Variants in SEMA5B observed in about 807,000 individuals in gnomAD.
SEMA5B encodes the protein semaphorin-5B.
In SEMA5B, 66 loss-of-function variants were observed where a neutral mutation model predicts 135.0. That is an observed-to-expected ratio of 0.49 (90% CI 0.40 to 0.60). The LOEUF (loss-of-function observed/expected upper bound fraction) is 0.60. Ranked by LOEUF, SEMA5B falls within the 20% of genes least tolerant of loss-of-function variation. SEMA5B has a pLI of 0.00. For synonymous variants in SEMA5B, 690 were observed against 639.5 expected (o/e 1.08, Z -1.19); for missense variants, 1,501 against 1,566.3 (o/e 0.96, Z 0.70).
intron 1 of SEMA5B, among the ~76,000 whole-genome samples, chr3:122,962,283 A>C (rs1940618792): frequency 6.6e-6 from 1 of 152,216 alleles, no homozygotes; most frequent in Non-Finnish European, 1.5e-5. Flanking sequence ...CTCATCTGTG[A>C]CTGAATTTCT....
chr3:122,937,572 G>A (rs1939352959), intron 5 of SEMA5B, among the ~76,000 whole-genome samples: 1 of 152,180 alleles, frequency 6.6e-6, no homozygotes, highest in East Asian at 1.9e-4. Flanking sequence ...GGGAAAGGTG[G>A]TCAACCAGTT....
chr3:122,968,557 G>T (rs747545417), intron 1 of SEMA5B, among the ~76,000 whole-genome samples: 1 of 152,062 alleles, frequency 6.6e-6, no homozygotes, highest in Admixed American at 6.6e-5. Flanking sequence ...CTACTCCAAC[G>T]CCCGCCCCAA....
intron 5 of SEMA5B, among the ~76,000 whole-genome samples, chr3:122,938,155 AAGGT>A (rs1271428013): frequency 5.9e-5 from 9 of 152,208 alleles, no homozygotes; most frequent in African/African-American, 1.9e-4. Flanking sequence ...TCCTTGCGGC[AAGGT>A]ACTGGGCCTG....
chr3:123,027,955 G>T (rs947147944), upstream of SEMA5B: 6 of 152,186 alleles, frequency 3.9e-5, no homozygotes, highest in Non-Finnish European at 8.8e-5. Flanking sequence ...GCGGCTGCTC[G>T]GCCGACTCCC....
intron 1 of SEMA5B, among the ~76,000 whole-genome samples, chr3:123,013,450 G>A (rs762999651): frequency 3.9e-5 from 6 of 152,184 alleles, no homozygotes; most frequent in Non-Finnish European, 7.3e-5. Flanking sequence ...ATACAGAAAG[G>A]AACTTGTGTC....
intron 1 of SEMA5B, among the ~76,000 whole-genome samples, chr3:123,009,154 G>T (rs1218491477): frequency 2.0e-5 from 3 of 152,176 alleles, no homozygotes; most frequent in African/African-American, 7.2e-5. Context: ...TTCAGCCTGA[G>T]ATGAAAGGGA....
intron 1 of SEMA5B, among the ~76,000 whole-genome samples, chr3:123,000,758 T>C (rs1270084673): frequency 1.3e-5 from 2 of 152,144 alleles, no homozygotes; most frequent in African/African-American, 4.8e-5. Flanking sequence ...CATGGCATTT[T>C]TTGAGGGATG....
At chr3:122,971,776 G>A (rs1466848642) in intron 1 of SEMA5B, among the ~76,000 whole-genome samples, 1 of 152,214 alleles carries the variant, frequency 6.6e-6, no homozygotes, top group Non-Finnish European at 1.5e-5. Flanking sequence ...GCATGGACTT[G>A]GAATGGGAAG....
At chr3:123,007,720 A>C (rs1942346718) in intron 1 of SEMA5B, among the ~76,000 whole-genome samples, 1 of 152,184 alleles carries the variant, frequency 6.6e-6, no homozygotes, top group African/African-American at 2.4e-5. Flanking sequence ...CCCAACAGCA[A>C]AAAGGCCCTC....
At position 122,948,587 on chromosome 3, in the gene SEMA5B, TG is replaced by T. The variant is rs747408852; in HGVS notation, c.246del (p.Ser83AlafsTer107). On this transcript the variant is annotated frameshift_variant, in exon 3 of 23. Coordinates refer to ENST00000357599, the MANE Select transcript of SEMA5B (RefSeq NM_001031702.4). LOFTEE classifies it high-confidence loss of function. ...GGCTCACTGGAGACATCCTGGGAGC[TG>T]GAGAGGTGGGACACCAGCAGTGTGA... ...PSLTLLVSHL[S>X]SSQDVSSEPS... 1 of 1,613,940 alleles carries T rather than the reference TG, an allele frequency of 6.2e-7. No homozygotes were observed. The highest frequency in any genetic ancestry group is 8.5e-7 in the Non-Finnish European group (1 of 1,179,922).
intron 1 of SEMA5B, among the ~76,000 whole-genome samples, chr3:122,969,788 G>A (rs1941033685): frequency 6.6e-6 from 1 of 152,236 alleles, no homozygotes; most frequent in African/African-American, 2.4e-5. Flanking sequence ...GTGGCAGAGA[G>A]CAGCGAGGCA....
intron 1 of SEMA5B, among the ~76,000 whole-genome samples, chr3:122,981,352 C>T (rs375269561): frequency 2.2e-4 from 33 of 152,330 alleles, no homozygotes; most frequent in Admixed American, 1.2e-3. Context: ...GGAGGACTTC[C>T]GTCCCAGGGC....
intron 1 of SEMA5B, among the ~76,000 whole-genome samples, chr3:122,966,787 T>C (rs1458051043): frequency 2.7e-5 from 4 of 150,430 alleles, no homozygotes; most frequent in African/African-American, 7.3e-5. Context: ...TTCGATCTCC[T>C]GACCTCGTGA....
At chr3:123,026,420 GAACTA>G (rs1942800581) in intron 1 of SEMA5B, among the ~76,000 whole-genome samples, 1 of 139,116 alleles carries the variant, frequency 7.2e-6, no homozygotes, top group South Asian at 2.7e-4. Flanking sequence ...CGGGCAGTCG[GAACTA>G]CCCAAAGACT....
At chr3:123,023,608 GC>G (rs1299697925) in intron 1 of SEMA5B, among the ~76,000 whole-genome samples, 1 of 152,160 alleles carries the variant, frequency 6.6e-6, no homozygotes, top group Admixed American at 6.5e-5. Flanking sequence ...CTAGGAAACA[GC>G]TAAGGTGATG....
At chr3:122,923,413 C>T (rs561398753) in intron 10 of SEMA5B, among the ~76,000 whole-genome samples, 1 of 152,310 alleles carries the variant, frequency 6.6e-6, no homozygotes, top group African/African-American at 2.4e-5. Context: ...AGCATGCTTC[C>T]TCGCACTGCC....
chr3:123,011,681 T>C (rs1942441021), intron 1 of SEMA5B, among the ~76,000 whole-genome samples: 2 of 152,074 alleles, frequency 1.3e-5, no homozygotes, highest in African/African-American at 4.8e-5. Flanking sequence ...CACACGCTCC[T>C]AACAGAGGAA....
Position 122,953,263 on chromosome 3 carries a change from C to G in SEMA5B, c.125-4554G>C, listed in dbSNP as rs115223754. ...TGTGCTCCCTTCCCAGGCCTCTCTG[C>G]CTCCCCGCCCCAGGTCTGACCACCA... On this transcript the variant is annotated intron_variant, in intron 2 of 22. Transcript: ENST00000357599. Among the ~76,000 whole-genome samples, 1,312 of 152,236 alleles carry G rather than the reference C, an allele frequency of 8.6e-3. 21 individuals are homozygous for G. Among genetic ancestry groups the G allele is most frequent in the African/African-American group, 0.03 (1,256 of 41,534 alleles).
chr3:122,928,589 G>A lies in SEMA5B; in HGVS notation c.564C>T (p.Val188=). The A allele has an allele frequency of 6.4e-7, 1 of 1,560,380 alleles. No individual in the cohort carries two copies. The highest frequency in any genetic ancestry group is 8.7e-7 in the Non-Finnish European group (1 of 1,151,512). Residue 188 remains valine, a synonymous_variant, in exon 7 of 23, where the codon GTC becomes GTT. Coordinates refer to ENST00000357599, the MANE Select transcript of SEMA5B (RefSeq NM_001031702.4). ...ACACCTTCCGGCCGGCGACGATCAG[G>A]ACTCGCACGTAGTTCTGACACTCCT... ...TEEECQNYVR[V]LIVAGRKVFM...
Sources: gnomAD v4.1 joint callset for allele counts (sites outside exome capture counted in the v4.1 genomes callset) on GRCh38, gnomAD v4.1.1 for gene constraint, MANE v1.5 for transcripts, NCBI Gene and HGNC (gene_info 2026-07-23, HGNC 2026-07-21) for gene names.